DTX1: variants seen among roughly 807,000 people sequenced by gnomAD.
The protein encoded by DTX1 is E3 ubiquitin-protein ligase DTX1.
In DTX1, 26 loss-of-function variants were observed where a neutral mutation model predicts 57.8. The observed-to-expected ratio is 0.45, with a 90% confidence interval of 0.33 to 0.62. The LOEUF (loss-of-function observed/expected upper bound fraction) is 0.62, where lower values mean the gene tolerates loss of function less well. Ranked by LOEUF, DTX1 falls within the 20% of genes least tolerant of loss-of-function variation. The pLI is 0.02. For missense variants in DTX1, 704 were observed against 895.3 expected, an observed-to-expected ratio of 0.79 and a Z score of 2.73; for synonymous variants, 398 against 394.1, an observed-to-expected ratio of 1.01 and a Z score of -0.12.
chr12:113,084,933 A>T (rs2044844826), intron 3 of DTX1, among the ~76,000 whole-genome samples: 1 of 152,016 alleles, frequency 6.6e-6, no homozygotes, highest in Non-Finnish European at 1.5e-5. Flanking sequence ...ACCCTGCCTG[A>T]GCTCATCTTC....
At position 113,061,368 on chromosome 12, in the gene DTX1, A is replaced by T. The variant is rs553311117; in HGVS notation, c.259+2917A>T. Among the ~76,000 whole-genome samples, 53 of 152,326 alleles carry T rather than the reference A, an allele frequency of 3.5e-4. 2 individuals are homozygous for T. In the South Asian group the frequency reaches 5.2e-3, roughly 15 times the overall value. On this transcript the variant is annotated intron_variant, in intron 2 of 9. Coordinates refer to ENST00000548759, the MANE Select transcript of DTX1 (RefSeq NM_004416.3). The stretch of plus-strand genomic sequence containing the variant: ...GGAGAGTGGGGCAAGAGGCCTCCTC[A>T]CCAGATATGTGAGGGTTTTTCCCTC...
intron 3 of DTX1, among the ~76,000 whole-genome samples, chr12:113,081,745 G>A (rs77763772): frequency 0.011 from 1,636 of 152,190 alleles, 13 homozygotes; most frequent in Non-Finnish European, 0.016. Context: ...GGAGTGAGGC[G>A]CCAGCAAGAA....
In DTX1 at chr12:113,095,427, C is replaced by T. The variant is rs1306000183; in HGVS notation, c.1638+13C>T. On this transcript the variant is annotated intron_variant, in intron 9 of 9. Transcript: ENST00000548759. ...GAAAGGCCGGAAGGTGGGTGCCCAGCCGTGAGGGCATGGGAGATAGGCACA... is the reference window on the plus strand; with the variant it reads ...GAAAGGCCGGAAGGTGGGTGCCCAGTCGTGAGGGCATGGGAGATAGGCACA... 8 of 1,614,088 alleles carry T rather than the reference C, an allele frequency of 5.0e-6. No homozygotes were observed. Among genetic ancestry groups the T allele is most frequent in the Non-Finnish European group, 6.8e-6 (8 of 1,180,034 alleles).
intron 3 of DTX1, among the ~76,000 whole-genome samples, chr12:113,083,466 C>G (rs796725611): frequency 1.7e-4 from 26 of 152,294 alleles, no homozygotes; most frequent in African/African-American, 6.3e-4. Context: ...GTGGAGATTA[C>G]AGACACCTGC....
Position 113,058,271 on chromosome 12 carries a change from G to A in DTX1, c.79G>A (p.Val27Met). ...ACCGCAGAACGTGGCCCGGGTGGTG[G>A]TGTGGGAGTGGCTGAATGAGCACAG... ...FPPQNVARVV[V>M]WEWLNEHSRW... Residue 27 changes from valine (V) to methionine (M), a missense_variant, in exon 2 of 10, where the codon GTG becomes ATG. This residue lies in a region of DTX1 where 237 missense variants were observed against 328.6 expected (regional missense o/e 0.72). Coordinates refer to ENST00000548759, the MANE Select transcript of DTX1 (RefSeq NM_004416.3). 1 of 1,613,766 alleles carries A rather than the reference G, an allele frequency of 6.2e-7. No individual in the cohort carries two copies. The highest frequency in any genetic ancestry group is 8.5e-7 in the Non-Finnish European group (1 of 1,180,004).
chr12:113,064,827 C>G (rs1296309110), intron 2 of DTX1, among the ~76,000 whole-genome samples: 2 of 152,248 alleles, frequency 1.3e-5, no homozygotes, highest in Non-Finnish European at 2.9e-5. Flanking sequence ...CCTCACTAGG[C>G]AGATGCACGG....
rs1300692843 is a variant in DTX1 at position 113,077,296 on chromosome 12, G to A, written c.260-128G>A. The A allele has an allele frequency of 2.8e-6, 3 of 1,082,034 alleles. No individual in the cohort carries two copies. The highest frequency in any genetic ancestry group is 3.9e-6 in the Non-Finnish European group (3 of 775,240). 67.0% of individuals were successfully genotyped at this position (1,082,034 alleles called of 1,614,324 possible). On this transcript the variant is annotated intron_variant, in intron 2 of 9. Transcript: ENST00000548759. The surrounding 1 kb of genome is among the most constrained non-coding windows in gnomAD (Gnocchi z 7.8). ...GTGTTGACCCTCTCCCCAAGTCTGG[G>A]TGGACCCCCTGGAGGCCTGTGCTGA...
At chr12:113,062,143 T>C (rs763926472) in intron 2 of DTX1, among the ~76,000 whole-genome samples, 1 of 152,194 alleles carries the variant, frequency 6.6e-6, no homozygotes, top group African/African-American at 2.4e-5. Flanking sequence ...GTCTAGATTT[T>C]CTAATTGTAA....
Position 113,093,436 on chromosome 12 carries a change from A to ATCC in DTX1, c.1004-103_1004-102insTCC. 6 of 876,274 alleles carry ATCC rather than the reference A, an allele frequency of 6.8e-6. No homozygotes were observed. The highest frequency in any genetic ancestry group is 2.8e-5 in the East Asian group (1 of 36,130). The allele number at this position is 876,274 out of a possible 1,614,324, so 54.3% of individuals were successfully genotyped here. On this transcript the variant is annotated intron_variant, in intron 4 of 9. Coordinates refer to ENST00000548759, the MANE Select transcript of DTX1 (RefSeq NM_004416.3). The surrounding 1 kb of genome is among the most constrained non-coding windows in gnomAD (Gnocchi z 4.2). ...CTGAGTGGGTGGGGCCCAAGAGCGC[A>ATCC]ACCCTCCCACCCACCCGAGGGCCCC...
At chr12:113,094,685 A>G in intron 6 of DTX1, 104 bp from the exon 7 acceptor site, 1 of 1,433,362 alleles carries the variant, frequency 7.0e-7, no homozygotes, top group South Asian at 1.3e-5. Context: ...TGGGTACCAG[A>G]GAGAGTGTGG....
Position 113,058,215 on chromosome 12 carries a change from G to A in DTX1, c.23G>A (p.Gly8Glu). MSRPGHG[G>E]LMPVNGLGFP... ...GCCATGTCACGGCCAGGCCACGGTG[G>A]GCTGATGCCTGTGAATGGTCTGGGC... The change falls in exon 2 of 10, where the codon GGG becomes GAG. Residue 8 changes from glycine (G) to glutamate (E), a missense_variant. Around this residue, in one of 3 missense-constraint regions of DTX1, gnomAD observed 237 missense variants for 328.6 expected, o/e 0.72. Coordinates refer to ENST00000548759, the MANE Select transcript of DTX1 (RefSeq NM_004416.3). 1 of 1,610,768 alleles carries A rather than the reference G, an allele frequency of 6.2e-7. No individual in the cohort carries two copies. The highest frequency in any genetic ancestry group is 8.5e-7 in the Non-Finnish European group (1 of 1,178,680).
chr12:113,077,626 C>T lies in DTX1; in HGVS notation c.462C>T (p.Asn154=). Residue 154 remains asparagine (N), a synonymous_variant, in exon 3 of 10, where the codon AAC becomes AAT. Coordinates refer to ENST00000548759, the MANE Select transcript of DTX1 (RefSeq NM_004416.3). This position sits in a 1 kb window ranked among gnomAD's most constrained non-coding sequence, Gnocchi z 7.8. ...GCTTCTGCTACCTCATCTACTTCAA[C>T]AGCATGTCGCAGATGAACCGCCAGA... ...SLGFCYLIYF[N]SMSQMNRQTR... is the part of the protein sequence containing the mutation. 1 of 1,611,888 alleles carries T rather than the reference C, an allele frequency of 6.2e-7. No individual in the cohort carries two copies. The highest frequency in any genetic ancestry group is 2.2e-5 in the East Asian group (1 of 44,812).
In DTX1 at chr12:113,096,755, T is replaced by C. The variant is rs765937702; in HGVS notation, c.1679T>C (p.Ile560Thr). 6 of 1,613,530 alleles carry C rather than the reference T, an allele frequency of 3.7e-6. No homozygotes were observed. ...ATCACGGCCTGGGAGAGAAGACTCA[T>C]CTTCACTATCGGCACGTCCAACACC... ...LLITAWERRL[I>T]FTIGTSNTTG... The change falls in exon 10 of 10, where the codon ATC (isoleucine) becomes ACC (threonine). Residue 560 changes from isoleucine to threonine, a missense_variant. Coordinates refer to ENST00000548759, the MANE Select transcript of DTX1 (RefSeq NM_004416.3).
At chr12:113,090,673 A>G (rs1280983140) in intron 3 of DTX1, among the ~76,000 whole-genome samples, 1 of 152,134 alleles carries the variant, frequency 6.6e-6, no homozygotes. Context: ...GGCTCAATCC[A>G]GATGTCTGCT....
chr12:113,074,074 T>C (rs1273186316), intron 2 of DTX1, among the ~76,000 whole-genome samples: 4 of 151,502 alleles, frequency 2.6e-5, no homozygotes, highest in Non-Finnish European at 4.4e-5. Flanking sequence ...CTACGAAAAA[T>C]ACAAAAAAAA....
chr12:113,095,442 A>C, intron 9 of DTX1, 28 bp downstream of exon 9: 1 of 1,613,714 alleles, frequency 6.2e-7, no homozygotes, highest in South Asian at 1.1e-5. Flanking sequence ...AGGGCATGGG[A>C]GATAGGCACA....
At chr12:113,084,333 C>T (rs542494215) in intron 3 of DTX1, among the ~76,000 whole-genome samples, 3 of 152,316 alleles carry the variant, frequency 2.0e-5, no homozygotes, top group East Asian at 1.9e-4. Context: ...GTGATAGCTG[C>T]GGGCCTATTT....
Position 113,058,423 on chromosome 12 carries a change from G to A in DTX1, c.231G>A (p.Gln77=). The A allele has an allele frequency of 6.2e-7, 1 of 1,605,178 alleles. No homozygotes were observed. Among genetic ancestry groups the A allele is most frequent in the African/African-American group, 1.3e-5 (1 of 75,046 alleles). Residue 77 remains glutamine (Q), a synonymous_variant, in exon 2 of 10, where the codon CAG becomes CAA. Transcript: ENST00000548759. ...TTGTGCCCTACATCATCGACCTGCA[G>A]TCCATGCACCAGTTTCGCCAGGACA... is the stretch of plus-strand genomic sequence containing the variant. ...AQLVPYIIDL[Q]SMHQFRQDTG...
In DTX1 at chr12:113,093,436, A is replaced by AGCCCC; in HGVS notation, c.1004-103_1004-102insGCCCC. 64 of 876,260 alleles carry AGCCCC rather than the reference A, an allele frequency of 7.3e-5. No homozygotes were observed. The highest frequency in any genetic ancestry group is 1.0e-4 in the Non-Finnish European group (61 of 586,204). 54.3% of individuals were successfully genotyped at this position (876,260 alleles called of 1,614,324 possible). On this transcript the variant is annotated intron_variant, in intron 4 of 9. Coordinates refer to ENST00000548759, the MANE Select transcript of DTX1 (RefSeq NM_004416.3). The surrounding 1 kb of genome is among the most constrained non-coding windows in gnomAD (Gnocchi z 4.2). Reference sequence around the variant, plus strand: ...CTGAGTGGGTGGGGCCCAAGAGCGCAACCCTCCCACCCACCCGAGGGCCCC... The same window carrying AGCCCC: ...CTGAGTGGGTGGGGCCCAAGAGCGCAGCCCCACCCTCCCACCCACCCGAGGGCCCC...
Sources: gnomAD v4.1 joint callset for allele counts (sites outside exome capture counted in the v4.1 genomes callset) on GRCh38, gnomAD v4.1.1 for gene constraint, gnomAD v4.1.1 regional missense constraint, Gnocchi (gnomAD v3.1) non-coding constraint, MANE v1.5 for transcripts, NCBI Gene and HGNC (gene_info 2026-07-23, HGNC 2026-07-21) for gene names.